Variants in PATJ observed in about 807,000 individuals in gnomAD.
PATJ encodes inaD-like protein.
A neutral mutation model predicts 224.9 loss-of-function variants in PATJ; 190 were observed. The ratio of observed to expected loss-of-function variants is 0.84; its 90% CI spans 0.75 to 0.95. The LOEUF is 0.95. Ranked by LOEUF, PATJ falls within the 40% of genes least tolerant of loss-of-function variation. The pLI, the probability that PATJ is intolerant of heterozygous loss-of-function variation, is 0.00. For synonymous variants in PATJ, 769 were observed against 820.3 expected, an observed-to-expected ratio of 0.94 and a Z score of 1.07; for missense variants, 2,121 against 2,270.3, an observed-to-expected ratio of 0.93 and a Z score of 1.34.
Position 62,144,777 on chromosome 1 carries a change from A to AT in PATJ, c.5272-3507_5272-3506insT, listed in dbSNP as rs1553280094. On this transcript the variant is annotated intron_variant, in intron 41 of 43. Transcript: ENST00000642238. ...TAGAATGTTATTTGCAAAAAAAAAAAATATATATATATATATATAATTAGC... is the reference window on the plus strand; with the variant it reads ...TAGAATGTTATTTGCAAAAAAAAAAATATATATATATATATATATAATTAGC... Among the ~76,000 whole-genome samples, 318 of 119,088 alleles carry AT rather than the reference A, an allele frequency of 2.7e-3. 3 individuals are homozygous for AT. The highest frequency in any genetic ancestry group is 8.7e-3 in the African/African-American group (254 of 29,308). 78.1% of individuals were successfully genotyped at this position (119,088 alleles called of 152,430 possible).
In PATJ at chr1:62,106,115, C is replaced by CACACACACACAT. The variant is rs140461579; in HGVS notation, c.4378-2317_4378-2316insCACACATACACA. 9.0e-3 allele frequency among the ~76,000 whole-genome samples: 417 copies of CACACACACACAT among 46,474 alleles called. 32 individuals carry two copies. Among genetic ancestry groups the CACACACACACAT allele is most frequent in the Admixed American group, 0.024 (62 of 2,556 alleles). 30.5% of individuals were successfully genotyped at this position (46,474 alleles called of 152,430 possible). A position where few individuals can be genotyped will look rare whatever the true frequency, so the allele number is the denominator to read the frequency against. Reference sequence around the variant, plus strand: ...ACACACACACACACACACACACACACACACAAACACACATATATACATGTG... The same window carrying CACACACACACAT: ...ACACACACACACACACACACACACACACACACACACATACACAAACACACATATATACATGTG... On this transcript the variant is annotated intron_variant, in intron 33 of 43. Transcript: ENST00000642238.
chr1:62,058,780 C>T (rs1654948849), intron 31 of PATJ, among the ~76,000 whole-genome samples: 1 of 152,152 alleles, frequency 6.6e-6, no homozygotes, highest in Non-Finnish European at 1.5e-5. Context: ...GTTTCGAGCT[C>T]TAGGCATGTG....
chr1:61,911,098 A>G lies in PATJ; in HGVS notation c.3492+2616A>G, dbSNP rs1672568678. 2.0e-5 allele frequency among the ~76,000 whole-genome samples: 3 copies of G among 152,356 alleles called. No homozygotes were observed. In the South Asian group the frequency reaches 6.2e-4, roughly 32 times the overall value. On this transcript the variant is annotated intron_variant, in intron 25 of 43. Transcript: ENST00000642238. ...GGTGATGTCTAAAAGTACCTTGGTC[A>G]CATAAACATTCTCCTCAACACTATG...
chr1:61,838,433 C>T (rs891844989), intron 17 of PATJ, among the ~76,000 whole-genome samples: 1 of 151,416 alleles, frequency 6.6e-6, no homozygotes, highest in South Asian at 2.1e-4. Flanking sequence ...CAGCTCACTG[C>T]AAGCTCCACC....
At chr1:62,056,484 C>A (rs1040799491) in intron 31 of PATJ, among the ~76,000 whole-genome samples, 2 of 152,002 alleles carry the variant, frequency 1.3e-5, no homozygotes, top group Non-Finnish European at 2.9e-5. Flanking sequence ...GCTATGACCA[C>A]GCCCCTGCAC....
intron 27 of PATJ, among the ~76,000 whole-genome samples, chr1:61,956,183 G>A (rs557120586): frequency 1.2e-4 from 19 of 152,270 alleles, no homozygotes; most frequent in African/African-American, 2.6e-4. Context: ...CTTCCATTGC[G>A]GAGGAAGGTC....
chr1:62,084,749 G>A (rs1025972766), intron 33 of PATJ, 101 bp downstream of exon 33: 7 of 1,137,786 alleles, frequency 6.2e-6, no homozygotes, highest in Non-Finnish European at 9.0e-6. Context: ...CTTTTTCATA[G>A]TATGAGGAGA....
chr1:61,867,142 A>C (rs1162474752), intron 20 of PATJ, among the ~76,000 whole-genome samples: 1 of 152,248 alleles, frequency 6.6e-6, no homozygotes, highest in Non-Finnish European at 1.5e-5. Context: ...GAATGCCTTA[A>C]CCATCTGGAA....
chr1:61,881,410 T>C (rs748439810), intron 21 of PATJ, among the ~76,000 whole-genome samples: 1 of 110,734 alleles, frequency 9.0e-6, no homozygotes, highest in Non-Finnish European at 2.3e-5. Flanking sequence ...AACAGTTATT[T>C]TTTTTTTTTT....
intron 28 of PATJ, among the ~76,000 whole-genome samples, chr1:62,008,279 A>G (rs536538660): frequency 1.5e-4 from 23 of 152,272 alleles, no homozygotes; most frequent in African/African-American, 4.3e-4. Context: ...GATTTGAAGG[A>G]CAGTCCCTTA....
chr1:62,099,267 T>G (rs1290235529), intron 33 of PATJ, among the ~76,000 whole-genome samples: 2 of 151,644 alleles, frequency 1.3e-5, no homozygotes, highest in African/African-American at 4.9e-5. Context: ...GCTACATCCT[T>G]CCTCCAAGGC....
chr1:61,776,728 C>CTT (rs34101329), intron 7 of PATJ, among the ~76,000 whole-genome samples: 44 of 142,316 alleles, frequency 3.1e-4, no homozygotes, highest in Non-Finnish European at 4.8e-4. Flanking sequence ...GATTAATCTA[C>CTT]TTTTTTTTTT....
At chr1:61,887,169 A>G (rs1669006155) in intron 22 of PATJ, among the ~76,000 whole-genome samples, 1 of 152,108 alleles carries the variant, frequency 6.6e-6, no homozygotes, top group Non-Finnish European at 1.5e-5. Context: ...GATGCCATAA[A>G]GGGGGTGATT....
chr1:61,864,702 A>T (rs17371993), intron 20 of PATJ, 69 bp downstream of exon 20: 202,707 of 1,370,416 alleles, frequency 0.15, 16,732 homozygotes, highest in South Asian at 0.28. Context: ...TCTCTAACTC[A>T]TGTCACTTCA....
At chr1:61,865,048 T>C (rs973243034) in intron 20 of PATJ, among the ~76,000 whole-genome samples, 1 of 152,106 alleles carries the variant, frequency 6.6e-6, no homozygotes, top group Non-Finnish European at 1.5e-5. Flanking sequence ...CTTGTTTATA[T>C]CTTGGTCACC....
chr1:61,762,845 A>G lies in PATJ; in HGVS notation c.-35-13A>G. On this transcript the variant is annotated splice_polypyrimidine_tract_variant and intron_variant, in intron 1 of 43. Transcript: ENST00000642238. ...TGAAATTCATCTTTTATATTGTTAAATTTTTTCTTTAGGTGTCTTTAAGAG... is the reference window on the plus strand; with the variant it reads ...TGAAATTCATCTTTTATATTGTTAAGTTTTTTCTTTAGGTGTCTTTAAGAG... 1 of 1,267,908 alleles carries G rather than the reference A, an allele frequency of 7.9e-7. No homozygotes were observed. Among genetic ancestry groups the G allele is most frequent in the Non-Finnish European group, 1.1e-6 (1 of 906,820 alleles). The allele number at this position is 1,267,908 out of a possible 1,614,324, so 78.5% of individuals were successfully genotyped here.
chr1:61,968,992 G>C (rs1215503416), intron 27 of PATJ, among the ~76,000 whole-genome samples: 1 of 152,126 alleles, frequency 6.6e-6, no homozygotes, highest in Non-Finnish European at 1.5e-5. Context: ...GACTTTTTGT[G>C]ACTGCCTTAT....
chr1:62,144,400 A>AT (rs1301725772), intron 41 of PATJ, among the ~76,000 whole-genome samples: 35 of 152,148 alleles, frequency 2.3e-4, no homozygotes, highest in African/African-American at 8.4e-4. Context: ...GATGAAGCTT[A>AT]ATTTAGCATT....
chr1:62,013,540 G>C, intron 28 of PATJ: 2 of 977,486 alleles, frequency 2.0e-6, no homozygotes, highest in Non-Finnish European at 2.4e-6. Flanking sequence ...TAGGTGTTGC[G>C]TGCCTGCGCT....
Sources: allele counts gnomAD v4.1 joint callset (sites outside exome capture counted in the v4.1 genomes callset), GRCh38; gene constraint gnomAD v4.1.1; transcripts MANE v1.5; gene names NCBI Gene and HGNC (gene_info 2026-07-23, HGNC 2026-07-21).